The following SKA2 variants were observed in gnomAD, a reference collection of about 807,000 sequenced individuals.
SKA2 encodes the protein spindle and kinetochore-associated protein 2.
SKA2 carries 13 observed loss-of-function variants against 16.9 expected under a neutral mutation model. The ratio of observed to expected loss-of-function variants is 0.77; its 90% CI spans 0.50 to 1.22. The LOEUF is 1.22. SKA2 is among the 50% of genes most tolerant of loss of function. The pLI, the probability that SKA2 is intolerant of heterozygous loss-of-function variation, is 0.00. For missense variants in SKA2, 107 were observed against 139.7 expected, an observed-to-expected ratio of 0.77 and a Z score of 1.18; for synonymous variants, 47 against 48.5, an observed-to-expected ratio of 0.97 and a Z score of 0.13.
At chr17:59,127,173 G>C (rs1264614977) in intron 2 of SKA2, among the ~76,000 whole-genome samples, 1 of 152,246 alleles carries the variant, frequency 6.6e-6, no homozygotes, top group Admixed American at 6.5e-5. Flanking sequence ...ACCTTCTGGA[G>C]ATTGATGATG....
chr17:59,126,794 TCAAA>T (rs1263051825), intron 2 of SKA2, among the ~76,000 whole-genome samples: 4 of 152,176 alleles, frequency 2.6e-5, no homozygotes, highest in African/African-American at 4.8e-5. Flanking sequence ...AAGCAGGTAC[TCAAA>T]CAGATACTTG....
intron 1 of SKA2, among the ~76,000 whole-genome samples, chr17:59,137,597 T>C (rs1188772725): frequency 6.6e-6 from 1 of 152,216 alleles, no homozygotes; most frequent in Non-Finnish European, 1.5e-5. Flanking sequence ...TATTTCTTTA[T>C]ACTACAAATA....
chr17:59,134,225 C>G (rs917772366), intron 1 of SKA2, among the ~76,000 whole-genome samples: 58 of 152,236 alleles, frequency 3.8e-4, no homozygotes, highest in African/African-American at 1.2e-3. Flanking sequence ...GGAGCCAGAG[C>G]AAATCAAAGT....
At chr17:59,133,769 T>C (rs1314459027) in intron 1 of SKA2, among the ~76,000 whole-genome samples, 2 of 152,094 alleles carry the variant, frequency 1.3e-5, no homozygotes, top group Admixed American at 1.3e-4. Flanking sequence ...TTGACCTAAA[T>C]TGGAATGGAA....
chr17:59,139,107 G>A (rs760097194), intron 1 of SKA2, among the ~76,000 whole-genome samples: 9 of 152,090 alleles, frequency 5.9e-5, no homozygotes, highest in Non-Finnish European at 8.8e-5. Flanking sequence ...GCTTAGAAAT[G>A]CATTTTCCGG....
At chr17:59,144,510 C>G (rs768117687) in intron 1 of SKA2, among the ~76,000 whole-genome samples, 1 of 152,124 alleles carries the variant, frequency 6.6e-6, no homozygotes, top group Non-Finnish European at 1.5e-5. Flanking sequence ...GGAAGCAACA[C>G]GAGTGTCCAT....
At chr17:59,145,279 A>G (rs2046523426) in intron 1 of SKA2, among the ~76,000 whole-genome samples, 1 of 152,230 alleles carries the variant, frequency 6.6e-6, no homozygotes, top group Admixed American at 6.5e-5. Flanking sequence ...ACAGTATGGT[A>G]AGAAAACTTA....
At chr17:59,145,786 G>A (rs931834690) in intron 1 of SKA2, among the ~76,000 whole-genome samples, 4 of 151,934 alleles carry the variant, frequency 2.6e-5, no homozygotes, top group Non-Finnish European at 5.9e-5. Flanking sequence ...TCCAGGAGTT[G>A]GAGACCAGTT....
At chr17:59,136,679 G>A (rs2046447799) in intron 1 of SKA2, among the ~76,000 whole-genome samples, 2 of 151,990 alleles carry the variant, frequency 1.3e-5, no homozygotes, top group Non-Finnish European at 2.9e-5. Flanking sequence ...CTCCCGAGCG[G>A]ATGGGACTAT....
At position 59,112,160 on chromosome 17, in the gene SKA2, C is replaced by A; in HGVS notation, c.*117G>T. The A allele has an allele frequency of 1.3e-6, 1 of 741,560 alleles. No homozygotes were observed. The highest frequency in any genetic ancestry group is 1.8e-5 in the South Asian group (1 of 55,952). 45.9% of individuals were successfully genotyped at this position (741,560 alleles called of 1,614,324 possible). A position where few individuals can be genotyped will look rare whatever the true frequency, so the allele number is the denominator to read the frequency against. On this transcript the variant is annotated 3_prime_UTR_variant, in exon 4 of 4. Transcript: ENST00000330137. ...AGATATCATTATCCAGTCATTGAAG[C>A]CAAACCCCCTTCACCAGCCCCCAAT...
intron 2 of SKA2, 149 bp downstream of exon 2, chr17:59,131,132 C>T: frequency 1.8e-6 from 1 of 550,936 alleles, no homozygotes; most frequent in Non-Finnish European, 3.1e-6. Flanking sequence ...GTGCTATAAC[C>T]AAACTTCCAA....
At chr17:59,148,473 A>T (rs1479474137) in intron 1 of SKA2, among the ~76,000 whole-genome samples, 1 of 152,106 alleles carries the variant, frequency 6.6e-6, no homozygotes, top group Non-Finnish European at 1.5e-5. Context: ...GCCGGAGTGC[A>T]GTGGCACAAT....
chr17:59,121,352 A>T (rs940613869), intron 2 of SKA2, among the ~76,000 whole-genome samples: 1 of 151,418 alleles, frequency 6.6e-6, no homozygotes, highest in African/African-American at 2.4e-5. Context: ...TACCAAAATA[A>T]TGGTAAAGAA....
chr17:59,127,999 T>G (rs2046383188), intron 2 of SKA2, among the ~76,000 whole-genome samples: 1 of 148,646 alleles, frequency 6.7e-6, no homozygotes, highest in Non-Finnish European at 1.5e-5. Context: ...GGGTGGATCA[T>G]GAGGTCAGGA....
chr17:59,119,832 A>G (rs1599659564), intron 2 of SKA2, among the ~76,000 whole-genome samples: 1 of 152,330 alleles, frequency 6.6e-6, no homozygotes, highest in East Asian at 1.9e-4. Flanking sequence ...ATACAATTCT[A>G]AATGCTATTC....
At chr17:59,121,540 T>C (rs991390438) in intron 2 of SKA2, among the ~76,000 whole-genome samples, 8 of 149,912 alleles carry the variant, frequency 5.3e-5, no homozygotes, top group Admixed American at 6.7e-5. Context: ...CTGTAGTCCT[T>C]GCCTCAGTAG....
chr17:59,149,597 G>A (rs1010567484), intron 1 of SKA2, among the ~76,000 whole-genome samples: 2 of 152,134 alleles, frequency 1.3e-5, no homozygotes, highest in Admixed American at 6.5e-5. Context: ...TCAAGAATTC[G>A]AGACCAACCA....
chr17:59,146,484 G>A (rs962472645), intron 1 of SKA2, among the ~76,000 whole-genome samples: 8 of 152,236 alleles, frequency 5.3e-5, no homozygotes, highest in African/African-American at 1.9e-4. Context: ...GGGTGACAGA[G>A]TGAGACTCTG....
At chr17:59,122,134 C>T (rs984511255) in intron 2 of SKA2, among the ~76,000 whole-genome samples, 9 of 152,130 alleles carry the variant, frequency 5.9e-5, no homozygotes, top group Non-Finnish European at 1.3e-4. Context: ...AAGAGTTTTA[C>T]AGTTGTTAGA....
Sources: gnomAD v4.1 joint callset for allele counts (sites outside exome capture counted in the v4.1 genomes callset) on GRCh38, gnomAD v4.1.1 for gene constraint, MANE v1.5 for transcripts, NCBI Gene and HGNC (gene_info 2026-07-23, HGNC 2026-07-21) for gene names.